GTF2B: variants seen among roughly 807,000 people sequenced by gnomAD.
The protein encoded by GTF2B is transcription initiation factor IIB.
In GTF2B, 20 loss-of-function variants were observed where a neutral mutation model predicts 34.6. That is an observed-to-expected ratio of 0.58 (90% CI 0.41 to 0.84). The LOEUF is 0.84. Among genes scored for constraint, GTF2B ranks in the 40% least tolerant of loss-of-function variants. The pLI, the probability that GTF2B is intolerant of heterozygous loss-of-function variation, is 0.00. For synonymous variants in GTF2B, 142 were observed against 132.4 expected, an observed-to-expected ratio of 1.07 and a Z score of -0.50; for missense variants, 237 against 393.3, an observed-to-expected ratio of 0.60 and a Z score of 3.36.
At chr1:88,870,129 T>C (rs1414143980) in intron 2 of GTF2B, among the ~76,000 whole-genome samples, 2 of 150,722 alleles carry the variant, frequency 1.3e-5, no homozygotes, top group Non-Finnish European at 3.0e-5. Flanking sequence ...GGTTTCACTG[T>C]GTTAACCAGG....
chr1:88,882,300 ACT>A (rs1195389087), intron 2 of GTF2B, among the ~76,000 whole-genome samples: 3 of 124,612 alleles, frequency 2.4e-5, no homozygotes, highest in Non-Finnish European at 1.6e-5. Flanking sequence ...ACAGAGGGAG[ACT>A]CTCACTCCAA....
chr1:88,886,411 A>T (rs1031559314), intron 2 of GTF2B, among the ~76,000 whole-genome samples: 1 of 152,224 alleles, frequency 6.6e-6, no homozygotes, highest in Non-Finnish European at 1.5e-5. Flanking sequence ...GTTCTGCTGC[A>T]TATCTAGATT....
Position 88,852,934 on chromosome 1 carries a change from G to T in GTF2B, c.*279C>A. The T allele has an allele frequency of 2.9e-6, 1 of 344,872 alleles. No individual in the cohort carries two copies. The highest frequency in any genetic ancestry group is 3.8e-5 in the South Asian group (1 of 26,260). 21.4% of individuals were successfully genotyped at this position (344,872 alleles called of 1,614,324 possible). On this transcript the variant is annotated 3_prime_UTR_variant, in exon 7 of 7. Coordinates refer to ENST00000370500, the MANE Select transcript of GTF2B (RefSeq NM_001514.6). ...TACATGTAACATATAACAAAAACTT[G>T]AGTTTTGAAAAATGTTTTATTCAAG...
intron 4 of GTF2B, 40 bp downstream of exon 4, chr1:88,860,100 C>T: frequency 6.2e-7 from 1 of 1,612,404 alleles, no homozygotes; most frequent in Non-Finnish European, 8.5e-7. Context: ...TATGCAAAGT[C>T]AATGCCAGAA....
At chr1:88,880,363 G>A (rs1490153578) in intron 2 of GTF2B, among the ~76,000 whole-genome samples, 1 of 152,138 alleles carries the variant, frequency 6.6e-6, no homozygotes, top group African/African-American at 2.4e-5. Flanking sequence ...TAGTGTAAGA[G>A]GTAAAGGCTG....
intron 1 of GTF2B, chr1:88,888,101 G>A (rs962262090): frequency 6.6e-6 from 1 of 152,090 alleles, no homozygotes; most frequent in African/African-American, 2.4e-5. Flanking sequence ...ATTATTTCAG[G>A]GGGTATGACC....
intron 6 of GTF2B, among the ~76,000 whole-genome samples, chr1:88,856,327 T>C (rs1673315021): frequency 1.4e-5 from 2 of 147,414 alleles, no homozygotes; most frequent in Admixed American, 6.8e-5. Flanking sequence ...ACTTAATACT[T>C]CTGGTGAAAG....
chr1:88,863,066 C>T (rs1673479048), intron 3 of GTF2B, among the ~76,000 whole-genome samples: 2 of 152,042 alleles, frequency 1.3e-5, no homozygotes, highest in African/African-American at 4.8e-5. Context: ...ACTTCCAACT[C>T]GGATAACAGA....
intron 2 of GTF2B, among the ~76,000 whole-genome samples, chr1:88,870,518 C>T (rs2100971171): frequency 6.6e-6 from 1 of 152,252 alleles, no homozygotes; most frequent in Admixed American, 6.5e-5. Context: ...GTATGCCACA[C>T]TTAAGACTAG....
At chr1:88,853,481 T>C (rs1673235298) in intron 6 of GTF2B, 135 bp from the exon 7 acceptor site, 1 of 795,694 alleles carries the variant, frequency 1.3e-6, no homozygotes, top group East Asian at 2.6e-5. Flanking sequence ...TTCTAAAAAC[T>C]GATAATAGAA....
intron 3 of GTF2B, among the ~76,000 whole-genome samples, chr1:88,862,506 C>T (rs1370032705): frequency 6.6e-6 from 1 of 152,174 alleles, no homozygotes; most frequent in Non-Finnish European, 1.5e-5. Context: ...CAAGCTACTG[C>T]TGCACTCCCA....
In GTF2B at chr1:88,856,245, C is replaced by T. The variant is rs945405127; in HGVS notation, c.817+961G>A. Among the ~76,000 whole-genome samples, 93 of 118,344 alleles carry T rather than the reference C, an allele frequency of 7.9e-4. 1 individual carries two copies. The highest frequency in any genetic ancestry group is 2.7e-3 in the African/African-American group (86 of 32,166). 77.6% of individuals were successfully genotyped at this position (118,344 alleles called of 152,430 possible). A position where few individuals can be genotyped will look rare whatever the true frequency, so the allele number is the denominator to read the frequency against. ...ATTGTGCCACTGTACCTCCAGCCTG[C>T]GCAACAGAGGGAGACTGTTTCAAAA... On this transcript the variant is annotated intron_variant, in intron 6 of 6. Transcript: ENST00000370500.
Position 88,860,136 on chromosome 1 carries a change from T to A in GTF2B, c.405+4A>T. 6.2e-7 allele frequency: 1 copy of A among 1,614,004 alleles called. No individual in the cohort carries two copies. The highest frequency in any genetic ancestry group is 8.5e-7 in the Non-Finnish European group (1 of 1,179,918). ...TGGCTTAAAGGAGGTAGACAAGAAC[T>A]TACAACTATATTTCGAGGTAGATTG... On this transcript the variant is annotated splice_donor_region_variant and intron_variant, in intron 4 of 6. Transcript: ENST00000370500.
chr1:88,884,834 C>T (rs777587602), intron 2 of GTF2B, among the ~76,000 whole-genome samples: 1 of 152,164 alleles, frequency 6.6e-6, no homozygotes, highest in African/African-American at 2.4e-5. Flanking sequence ...AATTCAGTGA[C>T]AAAATAATCC....
At chr1:88,857,045 C>T (rs2100961660) in intron 6 of GTF2B, among the ~76,000 whole-genome samples, 161 bp downstream of exon 6, 1 of 152,246 alleles carries the variant, frequency 6.6e-6, no homozygotes, top group South Asian at 2.1e-4. Context: ...AGGTGATCCT[C>T]CCGCCTCGGC....
At chr1:88,876,526 T>A (rs1051152196) in intron 2 of GTF2B, among the ~76,000 whole-genome samples, 4 of 152,024 alleles carry the variant, frequency 2.6e-5, no homozygotes, top group Non-Finnish European at 5.9e-5. Context: ...AATAATTTTT[T>A]AAAAAATTAG....
At chr1:88,856,578 A>G (rs761437155) in intron 6 of GTF2B, among the ~76,000 whole-genome samples, 8 of 152,074 alleles carry the variant, frequency 5.3e-5, no homozygotes, top group Admixed American at 2.6e-4. Flanking sequence ...TTAAAAAGGT[A>G]AGTTTGGAAA....
rs557588594 is a variant in GTF2B, at chr1:88,858,706, T to C, written c.535+1176A>G. 2.6e-5 allele frequency: 4 copies of C among 152,328 alleles called. No individual in the cohort carries two copies. The South Asian group carries it at 6.2e-4, about 24-fold the overall frequency. 9.4% of individuals were successfully genotyped at this position (152,328 alleles called of 1,614,324 possible). On this transcript the variant is annotated intron_variant, in intron 5 of 6. Transcript: ENST00000370500. The stretch of plus-strand genomic sequence containing the variant: ...TGGATGAATAAAGGGTTAAGTATAG[T>C]CTTCAGCTAAACTGAGCTTTGGTAG...
At chr1:88,869,172 T>C (rs1468051258) in intron 2 of GTF2B, among the ~76,000 whole-genome samples, 2 of 152,174 alleles carry the variant, frequency 1.3e-5, no homozygotes, top group African/African-American at 4.8e-5. Context: ...TAAACAACTA[T>C]TTACACAGCA....
Sources: allele counts gnomAD v4.1 joint callset (sites outside exome capture counted in the v4.1 genomes callset), GRCh38; gene constraint gnomAD v4.1.1; transcripts MANE v1.5; gene names NCBI Gene and HGNC (gene_info 2026-07-23, HGNC 2026-07-21).